TMEM123: variants seen among roughly 807,000 people sequenced by gnomAD.
TMEM123 encodes the protein transmembrane protein 123.
TMEM123 carries 16 observed loss-of-function variants against 19.7 expected under a neutral mutation model. The observed-to-expected ratio is 0.81, with a 90% CI of 0.55 to 1.23. TMEM123 has a LOEUF of 1.23. Among genes scored for constraint, TMEM123 ranks in the 50% most tolerant of loss-of-function variants. TMEM123 has a pLI of 0.00. For missense variants in TMEM123, 313 were observed against 257.8 expected (o/e 1.21, Z -1.47); for synonymous variants, 118 against 99.4 (o/e 1.19, Z -1.12).
intron 2 of TMEM123, among the ~76,000 whole-genome samples, chr11:102,416,392 A>C (rs1481198580): frequency 2.6e-5 from 4 of 152,220 alleles, no homozygotes; most frequent in Non-Finnish European, 5.9e-5. Context: ...CTACGTATAC[A>C]AACTGGAAAG....
intron 2 of TMEM123, among the ~76,000 whole-genome samples, chr11:102,412,265 C>G (rs982185142): frequency 3.3e-5 from 5 of 152,112 alleles, no homozygotes; most frequent in Admixed American, 3.3e-4. Flanking sequence ...AACCCTGTCT[C>G]TACTAAAAAT....
chr11:102,398,740 G>T lies in TMEM123; in HGVS notation c.*127C>A. ...TCTTTACATATTTACGTAATACACT[G>T]TACATTATATGCATGGCCTGTTTAT... is the stretch of plus-strand genomic sequence containing the variant. On this transcript the variant is annotated 3_prime_UTR_variant, in exon 5 of 5. Transcript: ENST00000398136. The T allele has an allele frequency of 1.1e-6, 1 of 934,356 alleles. No individual in the cohort carries two copies. Among genetic ancestry groups the T allele is most frequent in the Non-Finnish European group, 1.7e-6 (1 of 600,974 alleles). 57.9% of individuals were successfully genotyped at this position (934,356 alleles called of 1,614,324 possible).
At chr11:102,429,920 G>A (rs992877193) in intron 2 of TMEM123, among the ~76,000 whole-genome samples, 24 of 152,150 alleles carry the variant, frequency 1.6e-4, no homozygotes, top group Admixed American at 1.5e-3. Flanking sequence ...TGAACAACCC[G>A]AGCATCTCCA....
chr11:102,418,012 A>T (rs1374806147), intron 2 of TMEM123, among the ~76,000 whole-genome samples: 1 of 152,104 alleles, frequency 6.6e-6, no homozygotes, highest in Admixed American at 6.5e-5. Flanking sequence ...AATTAAAAAG[A>T]CTTAAATGTA....
intron 2 of TMEM123, among the ~76,000 whole-genome samples, chr11:102,422,807 C>T (rs1004890902): frequency 3.3e-5 from 5 of 152,170 alleles, no homozygotes. Flanking sequence ...ATTCATTTCT[C>T]ACAGTATTTA....
intron 2 of TMEM123, among the ~76,000 whole-genome samples, chr11:102,415,130 A>G (rs1759382140): frequency 6.6e-6 from 1 of 152,248 alleles, no homozygotes; most frequent in Admixed American, 6.5e-5. Context: ...CCTCAACAAG[A>G]CAACTTAACT....
intron 2 of TMEM123, among the ~76,000 whole-genome samples, chr11:102,443,638 G>A (rs547254616): frequency 1.2e-3 from 176 of 152,152 alleles, no homozygotes; most frequent in Non-Finnish European, 1.6e-3. Context: ...AGGCATGGGC[G>A]AGGACTTCAT....
chr11:102,398,036 A>G lies in TMEM123; in HGVS notation c.*831T>C, dbSNP rs1591551331. On this transcript the variant is annotated 3_prime_UTR_variant, in exon 5 of 5. Coordinates refer to ENST00000398136, the MANE Select transcript of TMEM123 (RefSeq NM_052932.3). ...ACTAAAGTAACTTCCAGTGGTGACA[A>G]TATTCTCACAGTAGCAAATAATCTA... 1 of 152,244 alleles carries G rather than the reference A, an allele frequency of 6.6e-6. No homozygotes were observed. Among genetic ancestry groups the G allele is most frequent in the African/African-American group, 2.4e-5 (1 of 41,470 alleles). The allele number at this position is 152,244 out of a possible 1,614,324, so 9.4% of individuals were successfully genotyped here.
chr11:102,411,744 T>C (rs1467773712), intron 2 of TMEM123, among the ~76,000 whole-genome samples: 1 of 152,200 alleles, frequency 6.6e-6, no homozygotes, highest in African/African-American at 2.4e-5. Flanking sequence ...GAAACAGTAT[T>C]TTCCCAGGTC....
At chr11:102,406,854 G>T (rs567503057) in intron 2 of TMEM123, among the ~76,000 whole-genome samples, 1 of 147,978 alleles carries the variant, frequency 6.8e-6, no homozygotes, top group Admixed American at 6.8e-5. Context: ...CTGGGCAACA[G>T]AGCGAGGCTC....
At chr11:102,423,964 A>AT (rs1379531545) in intron 2 of TMEM123, among the ~76,000 whole-genome samples, 3 of 152,318 alleles carry the variant, frequency 2.0e-5, no homozygotes, top group Non-Finnish European at 2.9e-5. Flanking sequence ...ACAAATTCAG[A>AT]TTTTTTTAAA....
At chr11:102,410,713 T>G (rs1158888938) in intron 2 of TMEM123, among the ~76,000 whole-genome samples, 5 of 152,090 alleles carry the variant, frequency 3.3e-5, no homozygotes, top group Non-Finnish European at 7.4e-5. Context: ...TTCCATAGGC[T>G]GGTTTAGTAC....
At chr11:102,424,752 TAA>T (rs1173208889) in intron 2 of TMEM123, among the ~76,000 whole-genome samples, 2 of 151,518 alleles carry the variant, frequency 1.3e-5, no homozygotes, top group African/African-American at 4.9e-5. Flanking sequence ...AGTTTCATTC[TAA>T]GAGTTCAAAT....
At chr11:102,450,075 C>T (rs1216611705) in intron 1 of TMEM123, among the ~76,000 whole-genome samples, 2 of 152,154 alleles carry the variant, frequency 1.3e-5, no homozygotes, top group African/African-American at 4.8e-5. Flanking sequence ...TTCCTCATCC[C>T]ACCCTCCAAT....
At chr11:102,431,265 T>C (rs2135857684) in intron 2 of TMEM123, among the ~76,000 whole-genome samples, 1 of 152,358 alleles carries the variant, frequency 6.6e-6, no homozygotes, top group South Asian at 2.1e-4. Flanking sequence ...CCTCACATAC[T>C]TATCTTTGTA....
chr11:102,412,250 G>A (rs1565349187), intron 2 of TMEM123, among the ~76,000 whole-genome samples: 1 of 152,136 alleles, frequency 6.6e-6, no homozygotes. Context: ...GACCCAACAT[G>A]GTGAAACCCT....
chr11:102,432,801 G>A (rs1009610183), intron 2 of TMEM123, among the ~76,000 whole-genome samples: 1 of 152,220 alleles, frequency 6.6e-6, no homozygotes. Flanking sequence ...TGCAGCCTGG[G>A]GACATAGTGC....
chr11:102,442,292 C>G (rs929640970), intron 2 of TMEM123, among the ~76,000 whole-genome samples: 1 of 152,184 alleles, frequency 6.6e-6, no homozygotes, highest in Non-Finnish European at 1.5e-5. Flanking sequence ...ATGCAAAAAT[C>G]CTCAGTAAAA....
intron 2 of TMEM123, among the ~76,000 whole-genome samples, chr11:102,410,502 TGTTA>T (rs929789970): frequency 1.4e-5 from 2 of 142,044 alleles, no homozygotes; most frequent in Admixed American, 1.4e-4. Context: ...CAATAACCCC[TGTTA>T]GTTACAAAAA....
Sources: allele counts gnomAD v4.1 joint callset (sites outside exome capture counted in the v4.1 genomes callset), GRCh38; gene constraint gnomAD v4.1.1; transcripts MANE v1.5; gene names NCBI Gene and HGNC (gene_info 2026-07-23, HGNC 2026-07-21).